The following LSAMP variants were observed in gnomAD, a reference collection of about 807,000 sequenced individuals.
LSAMP encodes the protein limbic system-associated membrane protein.
LSAMP carries 7 observed loss-of-function variants against 38.6 expected under a neutral mutation model. The ratio of observed to expected loss-of-function variants is 0.18; its 90% CI spans 0.10 to 0.34. The LOEUF is 0.34. LSAMP is among the 10% of genes least tolerant of loss of function. The probability of loss-of-function intolerance (pLI) is 1.00; values close to 1 mark genes in which losing one functional copy is unlikely to be tolerated. For missense variants in LSAMP, 313 were observed against 420.0 expected (o/e 0.75, Z 2.23); for synonymous variants, 154 against 166.8 (o/e 0.92, Z 0.59).
intron 1 of LSAMP, among the ~76,000 whole-genome samples, chr3:116,159,656 ATAAAT>A: frequency 6.6e-6 from 1 of 152,344 alleles, no homozygotes; most frequent in Admixed American, 6.5e-5. Context: ...TGGTGGGAGT[ATAAAT>A]TAATTCAGTC....
chr3:116,368,186 G>C (rs1467406114), intron 1 of LSAMP: 2 of 152,220 alleles, frequency 1.3e-5, no homozygotes, highest in Non-Finnish European at 2.9e-5. Context: ...TGCCCACAGA[G>C]TTCCACCGCA....
chr3:116,071,604 A>G (rs1215778730), intron 2 of LSAMP, among the ~76,000 whole-genome samples: 2 of 151,974 alleles, frequency 1.3e-5, no homozygotes, highest in Admixed American at 6.6e-5. Flanking sequence ...TTCAACTTTT[A>G]TTTTAAGTTC....
At chr3:115,861,171 T>C (rs991892398) in intron 3 of LSAMP, among the ~76,000 whole-genome samples, 63 of 120,204 alleles carry the variant, frequency 5.2e-4, no homozygotes, top group Admixed American at 2.1e-3. Flanking sequence ...CCTTCCTTCC[T>C]TCCTTCCTTC....
chr3:116,186,075 A>G (rs891334436), intron 1 of LSAMP, among the ~76,000 whole-genome samples: 3 of 152,090 alleles, frequency 2.0e-5, no homozygotes, highest in African/African-American at 7.2e-5. Context: ...AAATGTGGAA[A>G]ATGAAGGACA....
At chr3:116,225,155 A>C (rs1306946218) in intron 1 of LSAMP, among the ~76,000 whole-genome samples, 3 of 152,184 alleles carry the variant, frequency 2.0e-5, no homozygotes, top group Admixed American at 1.3e-4. Context: ...CAGTACCCAT[A>C]AAAGTGACTT....
At chr3:116,273,707 T>TATATATATATATATATATATATAC (rs1307543165) in intron 1 of LSAMP, among the ~76,000 whole-genome samples, 3 of 102,608 alleles carry the variant, frequency 2.9e-5, no homozygotes, top group African/African-American at 1.4e-4. Context: ...TATATATATA[T>TATATATATATATATATATATATAC]ACACACACAC....
chr3:116,442,247 T>C (rs538381534), intron 1 of LSAMP, among the ~76,000 whole-genome samples: 239 of 152,218 alleles, frequency 1.6e-3, no homozygotes, highest in Admixed American at 5.9e-3. Flanking sequence ...CAAACTCCTG[T>C]CACTGGATTA....
chr3:116,102,836 T>C (rs186208527), intron 1 of LSAMP, among the ~76,000 whole-genome samples: 2 of 152,134 alleles, frequency 1.3e-5, no homozygotes, highest in Admixed American at 1.3e-4. Flanking sequence ...TCTGAAGAAA[T>C]CAGACTAATA....
chr3:116,210,712 G>C (rs1421771384), intron 1 of LSAMP, among the ~76,000 whole-genome samples: 4 of 152,058 alleles, frequency 2.6e-5, no homozygotes, highest in Admixed American at 2.6e-4. Flanking sequence ...TGTCCCTTTA[G>C]TGAACTCTAA....
At chr3:116,204,540 A>G (rs969438347) in intron 1 of LSAMP, among the ~76,000 whole-genome samples, 4 of 150,542 alleles carry the variant, frequency 2.7e-5, no homozygotes, top group Non-Finnish European at 6.0e-5. Flanking sequence ...TTTAGGTCTA[A>G]CATTTAAGTC....
At chr3:116,011,541 A>G (rs1455250216) in intron 3 of LSAMP, among the ~76,000 whole-genome samples, 2 of 149,596 alleles carry the variant, frequency 1.3e-5, no homozygotes, top group South Asian at 2.1e-4. Context: ...CTTTATTCCA[A>G]AAGTGCTGGG....
At chr3:115,972,251 T>C (rs183261760) in intron 3 of LSAMP, among the ~76,000 whole-genome samples, 1 of 152,138 alleles carries the variant, frequency 6.6e-6, no homozygotes. Flanking sequence ...CCAAAATTTA[T>C]AGCAACTAAA....
chr3:116,057,941 ACACACACACACACACC>A lies in LSAMP; in HGVS notation c.388+28367_388+28382del, dbSNP rs1235640030. Among the ~76,000 whole-genome samples, 507 of 105,648 alleles carry A rather than the reference ACACACACACACACACC, an allele frequency of 4.8e-3. 2 individuals are homozygous for A. The highest frequency in any genetic ancestry group is 0.017 in the African/African-American group (463 of 26,514). The allele number at this position is 105,648 out of a possible 152,430, so 69.3% of individuals were successfully genotyped here. On this transcript the variant is annotated intron_variant, in intron 2 of 6. Coordinates refer to ENST00000490035, the MANE Select transcript of LSAMP (RefSeq NM_002338.5). Reference sequence around the variant, plus strand: ...GGCACTATATAGTAGCTACACACACACACACACACACACACCCACACACACACACACACACACACAG... The same window carrying A: ...GGCACTATATAGTAGCTACACACACACACACACACACACACACACACACAG...
intron 3 of LSAMP, among the ~76,000 whole-genome samples, chr3:115,852,849 T>C (rs1189382859): frequency 6.6e-6 from 1 of 152,066 alleles, no homozygotes; most frequent in Non-Finnish European, 1.5e-5. Flanking sequence ...AAATGGAACT[T>C]GGAAGACAAA....
At chr3:116,421,662 G>C (rs1559862387) in intron 1 of LSAMP, among the ~76,000 whole-genome samples, 1 of 152,086 alleles carries the variant, frequency 6.6e-6, no homozygotes, top group African/African-American at 2.4e-5. Flanking sequence ...CATACGAATG[G>C]CTGATAAGTA....
rs193190316 is a variant in LSAMP at position 115,807,294 on chromosome 3, A to G, written c.*3023T>C. The G allele has an allele frequency of 6.6e-6, 1 of 152,300 alleles. No homozygotes were observed. The highest frequency in any genetic ancestry group is 6.5e-5 in the Admixed American group (1 of 15,302). 9.4% of individuals were successfully genotyped at this position (152,300 alleles called of 1,614,324 possible). ...CTGCTTAGGGAACACTTTCAATCCT[A>G]TGAAATTTCTGGGGACAATGTTTTC... On this transcript the variant is annotated 3_prime_UTR_variant, in exon 7 of 7. Coordinates refer to ENST00000490035, the MANE Select transcript of LSAMP (RefSeq NM_002338.5).
intron 1 of LSAMP, among the ~76,000 whole-genome samples, chr3:116,137,699 C>G (rs1709282193): frequency 6.6e-6 from 1 of 152,054 alleles, no homozygotes; most frequent in Non-Finnish European, 1.5e-5. Context: ...TGAATCAAGA[C>G]AGAAAAATCT....
At chr3:115,962,770 T>C (rs1231935498) in intron 3 of LSAMP, among the ~76,000 whole-genome samples, 1 of 152,228 alleles carries the variant, frequency 6.6e-6, no homozygotes, top group Admixed American at 6.5e-5. Flanking sequence ...TGCCTTCGCA[T>C]GGGTAGATGG....
At chr3:115,861,171 TTCCTTCCTTCCTTCCTTCCTTCCTTCC>T (rs1559855528) in intron 3 of LSAMP, among the ~76,000 whole-genome samples, 1 of 120,112 alleles carries the variant, frequency 8.3e-6, no homozygotes, top group Non-Finnish European at 1.7e-5. Context: ...CCTTCCTTCC[TTCCTTCCTTCCTTCCTTCCTTCCTTCC>T]TTCCTTCCTT....
Sources: allele counts gnomAD v4.1 joint callset (sites outside exome capture counted in the v4.1 genomes callset), GRCh38; gene constraint gnomAD v4.1.1; transcripts MANE v1.5; gene names NCBI Gene and HGNC (gene_info 2026-07-23, HGNC 2026-07-21).